LRPPRC: variants seen among roughly 807,000 people sequenced by gnomAD.
LRPPRC encodes leucine rich pentatricopeptide repeat containing, also known as leucine-rich PPR motif-containing protein, mitochondrial.
LRPPRC carries 120 observed loss-of-function variants against 180.3 expected under a neutral mutation model. That is an observed-to-expected ratio of 0.67 (90% CI 0.57 to 0.77). The LOEUF (loss-of-function observed/expected upper bound fraction) is 0.77. Among genes scored for constraint, LRPPRC ranks in the 30% least tolerant of loss-of-function variants. The probability of loss-of-function intolerance (pLI) is 0.00; values close to 1 mark genes in which losing one functional copy is unlikely to be tolerated. For missense variants in LRPPRC, 2,012 were observed against 1,657.2 expected, an observed-to-expected ratio of 1.21 and a Z score of -3.72; for synonymous variants, 723 against 600.0, an observed-to-expected ratio of 1.21 and a Z score of -3.00.
At chr2:43,919,665 AG>A (rs765721874) in intron 27 of LRPPRC, among the ~76,000 whole-genome samples, 39 of 152,184 alleles carry the variant, frequency 2.6e-4, no homozygotes, top group Non-Finnish European at 4.7e-4. Flanking sequence ...CATGGTTGGA[AG>A]AGGAAACATC....
chr2:43,888,739 C>A, intron 37 of LRPPRC, 83 bp from the exon 38 acceptor site: 1 of 770,784 alleles, frequency 1.3e-6, no homozygotes, highest in Non-Finnish European at 2.3e-6. Flanking sequence ...AAAACACTAC[C>A]AACTGGTAGC....
chr2:43,886,527 T>C lies in LRPPRC; in HGVS notation c.*2073A>G, dbSNP rs1670276507. On this transcript the variant is annotated 3_prime_UTR_variant, in exon 38 of 38. Transcript: ENST00000260665. ...GGGAATCAATACAATACAAAAGATA[T>C]TTGAACAGCTAGTCCTTTGTAACAC... 1 of 152,216 alleles carries C rather than the reference T, an allele frequency of 6.6e-6. No individual in the cohort carries two copies. Among genetic ancestry groups the C allele is most frequent in the African/African-American group, 2.4e-5 (1 of 41,456 alleles). The allele number at this position is 152,216 out of a possible 1,614,324, so 9.4% of individuals were successfully genotyped here. A position where few individuals can be genotyped will look rare whatever the true frequency, so the allele number is the denominator to read the frequency against.
chr2:43,889,504 C>G (rs1265124878), intron 37 of LRPPRC, among the ~76,000 whole-genome samples: 9 of 152,036 alleles, frequency 5.9e-5, no homozygotes, highest in Admixed American at 3.3e-4. Context: ...ATGCCTATAG[C>G]TGAAGGTCTG....
At chr2:43,904,946 T>C (rs1471646970) in intron 31 of LRPPRC, among the ~76,000 whole-genome samples, 1 of 152,130 alleles carries the variant, frequency 6.6e-6, no homozygotes, top group Non-Finnish European at 1.5e-5. Context: ...TTTAAGAGAT[T>C]CGTCATAGTG....
At chr2:43,926,233 A>T (rs1329392067) in intron 25 of LRPPRC, among the ~76,000 whole-genome samples, 1 of 152,180 alleles carries the variant, frequency 6.6e-6, no homozygotes, top group Admixed American at 6.5e-5. Context: ...TGCCTAGAAG[A>T]CGCCGATAAT....
At position 43,953,924 on chromosome 2, in the gene LRPPRC, C is replaced by G. The variant is rs115112065; in HGVS notation, c.1650-3324G>C. Among the ~76,000 whole-genome samples the G allele has an allele frequency of 2.6e-5, 4 of 152,286 alleles. No homozygotes were observed. The East Asian group carries it at 7.7e-4, about 29-fold the overall frequency. ...GTGGTTCATGCCTGTAATCCCAGCA[C>G]TTTGGGAGGCCAAGGCTGGGGGTTC... On this transcript the variant is annotated intron_variant, in intron 14 of 37. Transcript: ENST00000260665.
chr2:43,969,535 C>T (rs907784463), intron 11 of LRPPRC, among the ~76,000 whole-genome samples: 16 of 152,064 alleles, frequency 1.1e-4, no homozygotes, highest in Admixed American at 7.9e-4. Context: ...CTTGTTCTGC[C>T]ACCAAAAAGG....
At chr2:43,940,419 T>C (rs916562931) in intron 23 of LRPPRC, among the ~76,000 whole-genome samples, 1 of 152,216 alleles carries the variant, frequency 6.6e-6, no homozygotes, top group African/African-American at 2.4e-5. Flanking sequence ...AAAAACATTG[T>C]TACAAGTTCA....
At chr2:43,894,765 T>C (rs762466242) in intron 35 of LRPPRC, 136 bp from the exon 36 acceptor site, 30 of 639,096 alleles carry the variant, frequency 4.7e-5, no homozygotes, top group Non-Finnish European at 7.4e-5. Context: ...TGCACTATTG[T>C]CCCTTGTATA....
In LRPPRC at chr2:43,887,651, G is replaced by T. The variant is rs1206354491; in HGVS notation, c.*949C>A. 1 of 152,154 alleles carries T rather than the reference G, an allele frequency of 6.6e-6. No homozygotes were observed. The highest frequency in any genetic ancestry group is 1.5e-5 in the Non-Finnish European group (1 of 68,022). The allele number at this position is 152,154 out of a possible 1,614,324, so 9.4% of individuals were successfully genotyped here. A position where few individuals can be genotyped will look rare whatever the true frequency, so the allele number is the denominator to read the frequency against. On this transcript the variant is annotated 3_prime_UTR_variant, in exon 38 of 38. Coordinates refer to ENST00000260665, the MANE Select transcript of LRPPRC (RefSeq NM_133259.4). ...TTAGGTCAATATTCCATATTATTAA[G>T]ACACCTTTTATAATGGCAAACTCTC...
At chr2:43,910,052 C>G (rs1055810165) in intron 30 of LRPPRC, among the ~76,000 whole-genome samples, 1 of 152,164 alleles carries the variant, frequency 6.6e-6, no homozygotes, top group Admixed American at 6.5e-5. Flanking sequence ...ACAGGAAATA[C>G]TTTGAAATAG....
At position 43,976,853 on chromosome 2, in the gene LRPPRC, G is replaced by C. The variant is rs900892850; in HGVS notation, c.650+141C>G. On this transcript the variant is annotated intron_variant, in intron 5 of 37. Coordinates refer to ENST00000260665, the MANE Select transcript of LRPPRC (RefSeq NM_133259.4). ...ATAATTTTATATTTTATGTAAGTCA[G>C]ATTACCAGATTTTCTAGATTAAAAC... 8 of 680,118 alleles carry C rather than the reference G, an allele frequency of 1.2e-5. No individual in the cohort carries two copies. The African/African-American group carries it at 1.3e-4, about 11-fold the overall frequency. 42.1% of individuals were successfully genotyped at this position (680,118 alleles called of 1,614,324 possible).
At chr2:43,934,712 A>AG (rs1355054406) in intron 24 of LRPPRC, 42 bp downstream of exon 24, 16 of 1,575,828 alleles carry the variant, frequency 1.0e-5, no homozygotes, top group East Asian at 2.2e-5. Context: ...ATCAGCAAGA[A>AG]GGGAAAAAAA....
intron 23 of LRPPRC, among the ~76,000 whole-genome samples, chr2:43,938,060 T>C (rs1225296486): frequency 6.6e-6 from 1 of 152,148 alleles, no homozygotes; most frequent in African/African-American, 2.4e-5. Context: ...TGTATCAGCA[T>C]ATATGCATAA....
intron 11 of LRPPRC, 135 bp from the exon 12 acceptor site, chr2:43,963,841 G>C (rs1003364707): frequency 1.4e-6 from 1 of 725,292 alleles, no homozygotes; most frequent in Non-Finnish European, 2.5e-6. Context: ...CTAAAAGGCA[G>C]AAAAGAAACA....
chr2:43,923,497 C>G (rs1013600452), intron 27 of LRPPRC, among the ~76,000 whole-genome samples: 1 of 152,060 alleles, frequency 6.6e-6, no homozygotes, highest in Non-Finnish European at 1.5e-5. Context: ...CAAAGCAAAA[C>G]TAATAGTAAA....
intron 34 of LRPPRC, 23 bp from the exon 35 acceptor site, chr2:43,896,731 G>A (rs1239982933): frequency 1.4e-6 from 2 of 1,385,228 alleles, no homozygotes; most frequent in South Asian, 1.2e-5. Flanking sequence ...ACATTATTCA[G>A]TAAGTGAAGG....
At chr2:43,893,466 C>T (rs1670569480) in intron 36 of LRPPRC, among the ~76,000 whole-genome samples, 1 of 152,150 alleles carries the variant, frequency 6.6e-6, no homozygotes, top group Non-Finnish European at 1.5e-5. Flanking sequence ...CATTCAGCAG[C>T]CATCAACATT....
intron 24 of LRPPRC, 124 bp downstream of exon 24, chr2:43,934,630 A>T (rs1672206518): frequency 1.3e-6 from 1 of 767,794 alleles, no homozygotes; most frequent in East Asian, 2.6e-5. Flanking sequence ...TTTAGATTTC[A>T]CAAGTATAAA....
Sources: allele counts gnomAD v4.1 joint callset (sites outside exome capture counted in the v4.1 genomes callset), GRCh38; gene constraint gnomAD v4.1.1; transcripts MANE v1.5; gene names NCBI Gene and HGNC (gene_info 2026-07-23, HGNC 2026-07-21).